RBFOX2: variants seen among roughly 807,000 people sequenced by gnomAD.
RBFOX2 encodes RNA binding fox-1 homolog 2, also known as RNA binding protein fox-1 homolog 2.
In RBFOX2, 10 loss-of-function variants were observed where a neutral mutation model predicts 49.1. The ratio of observed to expected loss-of-function variants is 0.20; its 90% CI spans 0.13 to 0.35. RBFOX2 has a LOEUF of 0.35. Ranked by LOEUF, RBFOX2 falls within the 10% of genes least tolerant of loss-of-function variation. The pLI is 1.00. For missense variants in RBFOX2, 323 were observed against 486.9 expected, an observed-to-expected ratio of 0.66 and a Z score of 3.17; for synonymous variants, 183 against 187.4, an observed-to-expected ratio of 0.98 and a Z score of 0.19.
intron 1 of RBFOX2, among the ~76,000 whole-genome samples, chr22:35,860,527 A>T (rs2149079562): frequency 6.6e-6 from 1 of 152,354 alleles, no homozygotes. Flanking sequence ...AGCAAAACCT[A>T]ACTGACACAA....
At chr22:36,024,838 G>A (rs531736576) in intron 1 of RBFOX2, among the ~76,000 whole-genome samples, 56 of 151,836 alleles carry the variant, frequency 3.7e-4, no homozygotes, top group African/African-American at 8.7e-4. Flanking sequence ...ACAGATTTTC[G>A]CTCTTGTTGC....
At chr22:36,028,717 G>A (rs1484945561) in exon 1 of RBFOX2, among the ~76,000 whole-genome samples, 1 of 151,066 alleles carries the variant, frequency 6.6e-6, no homozygotes, top group Non-Finnish European at 1.5e-5. Flanking sequence ...AACCCGGCCC[G>A]GCCCGCCGCG....
intron 1 of RBFOX2, among the ~76,000 whole-genome samples, chr22:35,986,957 C>CTTT (rs200947927): frequency 7.0e-6 from 1 of 142,016 alleles, no homozygotes; most frequent in African/African-American, 2.6e-5. Flanking sequence ...ATAAAGATCT[C>CTTT]TTTTTTTTTT....
In RBFOX2 at chr22:35,946,903, C is replaced by T. The variant is rs8138143; in HGVS notation, c.43-8006G>A. On this transcript the variant is annotated intron_variant, in intron 1 of 5. Transcript: ENST00000408983. ...CAATGGTAGTCCCATGAGATTATAA[C>T]GAAGCTGGTCAAGCACAGTGGCTCA... Among the ~76,000 whole-genome samples, 1,160 of 152,212 alleles carry T rather than the reference C, an allele frequency of 7.6e-3. 16 individuals are homozygous for T. The highest frequency in any genetic ancestry group is 0.027 in the African/African-American group (1,113 of 41,532).
chr22:35,812,583 T>G (rs1056373806), intron 1 of RBFOX2, among the ~76,000 whole-genome samples: 1 of 152,176 alleles, frequency 6.6e-6, no homozygotes, highest in Non-Finnish European at 1.5e-5. Context: ...TGAAAAAGAA[T>G]TGAATTGGAA....
intron 1 of RBFOX2, among the ~76,000 whole-genome samples, chr22:35,984,514 G>A (rs548885869): frequency 2.0e-5 from 3 of 152,318 alleles, no homozygotes; most frequent in South Asian, 4.1e-4. Flanking sequence ...TAATAAAACT[G>A]TGGTAAATAT....
At chr22:35,807,692 A>C (rs1264546952) in intron 2 of RBFOX2, among the ~76,000 whole-genome samples, 1 of 152,080 alleles carries the variant, frequency 6.6e-6, no homozygotes, top group African/African-American at 2.4e-5. Context: ...GGCAAAATAA[A>C]GACCAAATCA....
chr22:36,019,486 T>C (rs1331447963), intron 1 of RBFOX2, among the ~76,000 whole-genome samples: 1 of 152,208 alleles, frequency 6.6e-6, no homozygotes, highest in Admixed American at 6.5e-5. Flanking sequence ...GAAATAAACA[T>C]GTAGTGCTGG....
chr22:35,993,864 G>C (rs917378800), intron 1 of RBFOX2: 1 of 152,102 alleles, frequency 6.6e-6, no homozygotes, highest in African/African-American at 2.4e-5. Context: ...GCAGGCACCC[G>C]TAATCCCAGT....
intron 1 of RBFOX2, among the ~76,000 whole-genome samples, chr22:36,024,841 C>A (rs2059373100): frequency 6.6e-6 from 1 of 152,000 alleles, no homozygotes; most frequent in South Asian, 2.1e-4. Context: ...GATTTTCGCT[C>A]TTGTTGCCCA....
chr22:35,801,810 G>A (rs1247991103), intron 2 of RBFOX2, among the ~76,000 whole-genome samples: 1 of 152,086 alleles, frequency 6.6e-6, no homozygotes, highest in Non-Finnish European at 1.5e-5. Flanking sequence ...GGGTGACACA[G>A]TGAGACTCGG....
chr22:35,818,106 CA>C (rs1320872599), intron 1 of RBFOX2, among the ~76,000 whole-genome samples: 1 of 152,176 alleles, frequency 6.6e-6, no homozygotes, highest in African/African-American at 2.4e-5. Flanking sequence ...CAAAGTCATT[CA>C]AACCTATAGT....
intron 1 of RBFOX2, among the ~76,000 whole-genome samples, chr22:35,834,844 A>G (rs1017027078): frequency 6.6e-6 from 1 of 152,198 alleles, no homozygotes; most frequent in Non-Finnish European, 1.5e-5. Flanking sequence ...CAGAGACTGA[A>G]GGGGAGCAAC....
chr22:35,998,895 G>A (rs1036903321), intron 1 of RBFOX2: 5 of 152,934 alleles, frequency 3.3e-5, no homozygotes, highest in African/African-American at 1.2e-4. Context: ...ACAGCCACTT[G>A]TACTTTCATC....
intron 1 of RBFOX2, among the ~76,000 whole-genome samples, chr22:36,006,349 G>A (rs2058618562): frequency 6.6e-6 from 1 of 152,210 alleles, no homozygotes; most frequent in Admixed American, 6.5e-5. Flanking sequence ...GTTCCAAATA[G>A]AGGGAAAGTT....
Position 35,898,419 on chromosome 22 carries a change from CTTTTTTTT to C in RBFOX2, c.-34+40420_-34+40427del, listed in dbSNP as rs749708583. The C allele has an allele frequency of 3.6e-5, 10 of 277,998 alleles. No homozygotes were observed. The East Asian group carries it at 8.1e-4, about 22-fold the overall frequency. 17.2% of individuals were successfully genotyped at this position (277,998 alleles called of 1,614,324 possible). The stretch of plus-strand genomic sequence containing the variant: ...GCGGCCGCCATCTTCTCCCACAATC[CTTTTTTTT>C]TTTTTTTTTTTTTTCTGAGACAGGG... On this transcript the variant is annotated intron_variant, in intron 1 of 13. Transcript: ENST00000359369.
At chr22:35,809,595 C>T (rs1951439340) in intron 2 of RBFOX2, among the ~76,000 whole-genome samples, 185 bp downstream of exon 3, 1 of 151,962 alleles carries the variant, frequency 6.6e-6, no homozygotes, top group East Asian at 1.9e-4. Flanking sequence ...GCTCGAAAAG[C>T]CAAGAGACTA....
intron 1 of RBFOX2, among the ~76,000 whole-genome samples, chr22:36,009,543 T>C (rs2058735555): frequency 6.6e-6 from 1 of 151,968 alleles, no homozygotes; most frequent in Admixed American, 6.6e-5. Context: ...CCATCTAAGT[T>C]TCGTTTTTTT....
intron 4 of RBFOX2, among the ~76,000 whole-genome samples, chr22:35,768,818 TC>T (rs1421724166): frequency 6.6e-6 from 1 of 152,190 alleles, no homozygotes; most frequent in African/African-American, 2.4e-5. Flanking sequence ...AATCTGACAT[TC>T]AGGTTCAACA....
Sources: gnomAD v4.1 joint callset for allele counts (sites outside exome capture counted in the v4.1 genomes callset) on GRCh38, gnomAD v4.1.1 for gene constraint, MANE v1.5 for transcripts, NCBI Gene and HGNC (gene_info 2026-07-23, HGNC 2026-07-21) for gene names.